Variants in RSPRY1 observed in about 807,000 individuals in gnomAD.
RSPRY1 encodes ring finger and SPRY domain containing 1.
RSPRY1 carries 23 observed loss-of-function variants against 73.1 expected under a neutral mutation model. The observed-to-expected ratio is 0.31, with a 90% CI of 0.23 to 0.45. RSPRY1 has a LOEUF of 0.45. Ranked by LOEUF, RSPRY1 falls within the 20% of genes least tolerant of loss-of-function variation. The pLI is 1.00. For synonymous variants in RSPRY1, 226 were observed against 251.4 expected (o/e 0.90, Z 0.95); for missense variants, 448 against 698.7 (o/e 0.64, Z 4.05).
chr16:57,220,819 A>C lies in RSPRY1; in HGVS notation c.989A>C (p.Tyr330Ser). Residue 330 changes from tyrosine to serine, a missense_variant, in exon 9 of 15, where the codon TAC becomes TCC. Transcript: ENST00000394420. ...CTGAATAGCAATGATGTCAGCGAGT[A>C]CCTGAAGATCTCACCTCATGGCTTA... The part of the protein sequence containing the change: ...AMLNSNDVSE[Y>S]LKISPHGLEA... 6.2e-7 allele frequency: 1 copy of C among 1,613,412 alleles called. No individual in the cohort carries two copies. The highest frequency in any genetic ancestry group is 8.5e-7 in the Non-Finnish European group (1 of 1,179,334).
At chr16:57,192,650 C>T (rs2074370118) in intron 1 of RSPRY1, among the ~76,000 whole-genome samples, 1 of 151,338 alleles carries the variant, frequency 6.6e-6, no homozygotes, top group South Asian at 2.1e-4. Flanking sequence ...ACCACAGATG[C>T]ACTGCTACTA....
intron 1 of RSPRY1, among the ~76,000 whole-genome samples, chr16:57,202,406 A>G (rs1298174127): frequency 2.0e-5 from 3 of 152,186 alleles, no homozygotes; most frequent in Non-Finnish European, 4.4e-5. Context: ...AATTTATAAG[A>G]TCTGTAGAAA....
chr16:57,235,259 T>C (rs1468338779), intron 14 of RSPRY1, 31 bp downstream of exon 14: 2 of 1,483,436 alleles, frequency 1.3e-6, no homozygotes, highest in Admixed American at 1.7e-5. Context: ...CAAAGTTTCA[T>C]ACTGTTCTTA....
At chr16:57,237,509 C>T (rs2146402989) in intron 14 of RSPRY1, among the ~76,000 whole-genome samples, 1 of 152,144 alleles carries the variant, frequency 6.6e-6, no homozygotes, top group East Asian at 1.9e-4. Context: ...GCAGTTATCA[C>T]TTCAAGAATG....
rs575596260 is a variant in RSPRY1, at chr16:57,189,150, G to T, written c.-156+2699G>T. On this transcript the variant is annotated intron_variant, in intron 1 of 14. Coordinates refer to ENST00000394420, the MANE Select transcript of RSPRY1 (RefSeq NM_133368.3). ...CTGGGATTACAGGCAAGCACCACCC[G>T]TGCCTGGCTAATTTTTGTATTTTTA... is the stretch of plus-strand genomic sequence containing the variant. 1.1e-3 allele frequency among the ~76,000 whole-genome samples: 173 copies of T among 151,596 alleles called. 2 individuals are homozygous for T. Among genetic ancestry groups the T allele is most frequent in the African/African-American group, 4.0e-3 (167 of 41,292 alleles).
At chr16:57,216,226 T>A (rs2074938236) in intron 7 of RSPRY1, 53 bp downstream of exon 7, 1 of 1,371,528 alleles carries the variant, frequency 7.3e-7, no homozygotes, top group Non-Finnish European at 1.0e-6. Context: ...TTGTTAAAAA[T>A]TTTATTTTTC....
Position 57,239,039 on chromosome 16 carries a change from GAAA to G in RSPRY1, c.*72_*74del. On this transcript the variant is annotated 3_prime_UTR_variant, in exon 15 of 15. Transcript: ENST00000394420. ...TTCCAGCCAATGTTGAAAAGAAAAA[GAAA>G]AAAAAAACTCTCTAATCAGTTGTAC... 1.3e-6 allele frequency: 1 copy of G among 754,262 alleles called. No homozygotes were observed. The highest frequency in any genetic ancestry group is 2.0e-6 in the Non-Finnish European group (1 of 489,840). The allele number at this position is 754,262 out of a possible 1,614,324, so 46.7% of individuals were successfully genotyped here.
chr16:57,196,515 C>T (rs987267322), intron 1 of RSPRY1, among the ~76,000 whole-genome samples: 2 of 152,056 alleles, frequency 1.3e-5, no homozygotes, highest in Non-Finnish European at 2.9e-5. Context: ...AAGCTTGGGC[C>T]GGCATCCCAG....
chr16:57,194,064 T>TA (rs377064360), intron 1 of RSPRY1, among the ~76,000 whole-genome samples: 1,656 of 145,720 alleles, frequency 0.011, 13 homozygotes, highest in Non-Finnish European at 0.018. Context: ...AGATTCCGTT[T>TA]AAAAAAAAAA....
At chr16:57,231,727 C>T (rs1314969500) in intron 13 of RSPRY1, among the ~76,000 whole-genome samples, 3 of 152,094 alleles carry the variant, frequency 2.0e-5, no homozygotes, top group African/African-American at 7.2e-5. Flanking sequence ...ATGTCAGTGT[C>T]AAAATCCTAA....
intron 10 of RSPRY1, chr16:57,224,550 C>T (rs1353715429): frequency 6.6e-6 from 1 of 152,238 alleles, no homozygotes. Flanking sequence ...AAGCTAACCA[C>T]TCTATTCTCT....
Position 57,240,363 on chromosome 16 carries a change from A to AAAAT in RSPRY1, c.*1389_*1390insAATA, listed in dbSNP as rs1555504485. 2 of 150,352 alleles carry AAAAT rather than the reference A, an allele frequency of 1.3e-5. No individual in the cohort carries two copies. The highest frequency in any genetic ancestry group is 3.0e-5 in the Non-Finnish European group (2 of 67,572). 9.3% of individuals were successfully genotyped at this position (150,352 alleles called of 1,614,324 possible). ...TCCACACACACACACACACACAAAA[A>AAAAT]ATATATATATATATAAATATATATG... On this transcript the variant is annotated 3_prime_UTR_variant, in exon 15 of 15. Transcript: ENST00000394420.
At chr16:57,218,754 G>T (rs1485085920) in intron 8 of RSPRY1, among the ~76,000 whole-genome samples, 2 of 37,434 alleles carry the variant, frequency 5.3e-5, no homozygotes, top group Non-Finnish European at 4.4e-5. Context: ...TTTTTTTTTT[G>T]AGACGGAGTC....
intron 6 of RSPRY1, 85 bp downstream of exon 6, chr16:57,214,031 A>T: frequency 1.1e-6 from 1 of 897,184 alleles, no homozygotes; most frequent in Non-Finnish European, 1.9e-6. Context: ...AATTGCTGGC[A>T]TAGCCACTGG....
At chr16:57,187,465 C>T (rs2074251586) in intron 1 of RSPRY1, among the ~76,000 whole-genome samples, 1 of 152,142 alleles carries the variant, frequency 6.6e-6, no homozygotes, top group Admixed American at 6.5e-5. Context: ...AGTAGAATCC[C>T]GCAGTTTTCC....
intron 4 of RSPRY1, among the ~76,000 whole-genome samples, chr16:57,209,963 A>G (rs906855686): frequency 6.6e-6 from 1 of 152,096 alleles, no homozygotes; most frequent in African/African-American, 2.4e-5. Flanking sequence ...GGCGTTAGCC[A>G]CTGTGCCCCG....
chr16:57,187,946 C>G (rs2074274758), intron 1 of RSPRY1, among the ~76,000 whole-genome samples: 2 of 152,166 alleles, frequency 1.3e-5, no homozygotes, highest in African/African-American at 2.4e-5. Flanking sequence ...CTGAAATTTT[C>G]CTCTAAGTAA....
chr16:57,221,533 C>A, intron 10 of RSPRY1, 118 bp downstream of exon 10: 1 of 1,100,740 alleles, frequency 9.1e-7, no homozygotes. Flanking sequence ...TTTTCTTGGG[C>A]AGAGCCACAT....
At chr16:57,213,203 C>T (rs1283029331) in intron 5 of RSPRY1, 105 bp downstream of exon 5, 3 of 1,133,588 alleles carry the variant, frequency 2.6e-6, no homozygotes, top group Non-Finnish European at 3.6e-6. Context: ...AAAGAAATCT[C>T]TTAAAAATGA....
Sources: gnomAD v4.1 joint callset for allele counts (sites outside exome capture counted in the v4.1 genomes callset) on GRCh38, gnomAD v4.1.1 for gene constraint, MANE v1.5 for transcripts, NCBI Gene and HGNC (gene_info 2026-07-23, HGNC 2026-07-21) for gene names.